CDH18: variants seen among roughly 807,000 people sequenced by gnomAD.
The protein encoded by CDH18 is cadherin 18.
In CDH18, 31 loss-of-function variants were observed where a neutral mutation model predicts 67.9. That is an observed-to-expected ratio of 0.46 (90% CI 0.34 to 0.62). CDH18 has a LOEUF of 0.62. Among genes scored for constraint, CDH18 ranks in the 20% least tolerant of loss-of-function variants. CDH18 has a pLI of 0.01. For synonymous variants in CDH18, 362 were observed against 347.2 expected (o/e 1.04, Z -0.48); for missense variants, 890 against 975.5 (o/e 0.91, Z 1.17).
intron 1 of CDH18, among the ~76,000 whole-genome samples, chr5:20,438,702 T>C (rs1401160174): frequency 6.6e-6 from 1 of 151,428 alleles, no homozygotes; most frequent in Non-Finnish European, 1.5e-5. Context: ...CTGATACTGA[T>C]GAAAGTAGAA....
chr5:19,701,670 T>A (rs1401373978), intron 5 of CDH18, among the ~76,000 whole-genome samples: 1 of 152,088 alleles, frequency 6.6e-6, no homozygotes, highest in Non-Finnish European at 1.5e-5. Context: ...GAGAAGATAG[T>A]ACCGCTTAGA....
intron 3 of CDH18, among the ~76,000 whole-genome samples, chr5:19,774,808 CAAAAAAAAAAAAAAAAAAAAAAAAAAA>C (rs59248561): frequency 2.0e-3 from 71 of 35,420 alleles, no homozygotes; most frequent in Non-Finnish European, 3.2e-3. Context: ...GACTCTGTCT[CAAAAAAAAAAAAAAAAAAAAAAAAAAA>C]AAAAAAAAAA....
chr5:19,683,373 C>G (rs1164601114), intron 5 of CDH18, among the ~76,000 whole-genome samples: 4 of 152,096 alleles, frequency 2.6e-5, no homozygotes, highest in Non-Finnish European at 5.9e-5. Flanking sequence ...CATATGGCCT[C>G]TTCTGCAGCT....
intron 1 of CDH18, among the ~76,000 whole-genome samples, chr5:20,546,813 G>T (rs1757372223): frequency 6.6e-6 from 1 of 151,788 alleles, no homozygotes; most frequent in Admixed American, 6.6e-5. Flanking sequence ...ATTTGCCACA[G>T]GCCTTTCAAC....
intron 2 of CDH18, among the ~76,000 whole-genome samples, chr5:20,007,928 A>C (rs956856115): frequency 2.0e-5 from 3 of 152,102 alleles, no homozygotes; most frequent in Admixed American, 6.6e-5. Flanking sequence ...CTACAACAGC[A>C]GAATTGAGTA....
intron 1 of CDH18, among the ~76,000 whole-genome samples, chr5:19,986,569 A>C (rs1016307771): frequency 2.0e-5 from 3 of 152,212 alleles, no homozygotes; most frequent in Admixed American, 2.0e-4. Flanking sequence ...AATACTCACC[A>C]AGGTGCACTA....
intron 1 of CDH18, among the ~76,000 whole-genome samples, chr5:20,442,123 G>A (rs1457594166): frequency 2.0e-5 from 3 of 151,828 alleles, no homozygotes; most frequent in Admixed American, 1.3e-4. Flanking sequence ...TGCATTACAA[G>A]AGTCCGTGGT....
At chr5:19,881,459 C>CT (rs1396878779) in intron 2 of CDH18, among the ~76,000 whole-genome samples, 2 of 149,158 alleles carry the variant, frequency 1.3e-5, no homozygotes, top group Admixed American at 1.3e-4. Context: ...TTACTCTAGT[C>CT]TAATGTTCAT....
At chr5:19,654,963 C>T (rs189800723) in intron 5 of CDH18, among the ~76,000 whole-genome samples, 16 of 152,220 alleles carry the variant, frequency 1.1e-4, no homozygotes, top group South Asian at 4.1e-4. Flanking sequence ...TTCAACCATG[C>T]GTCTGCTCAT....
intron 5 of CDH18, among the ~76,000 whole-genome samples, chr5:19,654,089 T>C (rs1405329565): frequency 1.3e-5 from 2 of 152,170 alleles, no homozygotes; most frequent in Non-Finnish European, 2.9e-5. Context: ...ATTATTTTGT[T>C]TAGTCCCCAG....
intron 2 of CDH18, among the ~76,000 whole-genome samples, chr5:20,177,546 A>G (rs1737332639): frequency 6.6e-6 from 1 of 152,074 alleles, no homozygotes; most frequent in African/African-American, 2.4e-5. Flanking sequence ...TAACTGGTCC[A>G]CAGGGAGTCT....
At chr5:20,026,265 A>G (rs1387962476) in intron 2 of CDH18, among the ~76,000 whole-genome samples, 1 of 152,186 alleles carries the variant, frequency 6.6e-6, no homozygotes, top group Non-Finnish European at 1.5e-5. Context: ...ATCTGTGGCC[A>G]AATCATAAAT....
chr5:20,478,117 T>G (rs1291837531), intron 1 of CDH18, among the ~76,000 whole-genome samples: 3 of 152,158 alleles, frequency 2.0e-5, no homozygotes, highest in Non-Finnish European at 2.9e-5. Flanking sequence ...CAGTTCTCAT[T>G]GCAGGACTTG....
intron 2 of CDH18, among the ~76,000 whole-genome samples, chr5:20,013,577 T>G (rs1005054260): frequency 4.6e-5 from 7 of 152,110 alleles, no homozygotes; most frequent in African/African-American, 1.7e-4. Context: ...ATTGACTGAC[T>G]AATGTTTTCA....
chr5:19,957,644 A>G (rs1033954827), intron 2 of CDH18, among the ~76,000 whole-genome samples: 3 of 151,996 alleles, frequency 2.0e-5, no homozygotes, highest in African/African-American at 7.3e-5. Context: ...CAAAACTCCA[A>G]TAATCTAGTA....
At chr5:20,495,636 T>C (rs1025359218) in intron 1 of CDH18, among the ~76,000 whole-genome samples, 1 of 152,030 alleles carries the variant, frequency 6.6e-6, no homozygotes, top group Non-Finnish European at 1.5e-5. Context: ...AGGAAAAACA[T>C]ACAACCAGGA....
chr5:20,566,207 A>G (rs1376838761), intron 1 of CDH18, among the ~76,000 whole-genome samples: 3 of 152,124 alleles, frequency 2.0e-5, no homozygotes, highest in African/African-American at 7.2e-5. Context: ...TCATCAAGTA[A>G]TAGAAGGCTA....
intron 1 of CDH18, among the ~76,000 whole-genome samples, chr5:20,379,310 A>G (rs7715154): frequency 0.15 from 23,391 of 152,154 alleles, 2,262 homozygotes; most frequent in East Asian, 0.28. Flanking sequence ...TACTTATTGC[A>G]TAATAGAAGA....
intron 2 of CDH18, among the ~76,000 whole-genome samples, chr5:19,841,528 T>C (rs1258466928): frequency 3.3e-5 from 5 of 151,544 alleles, no homozygotes; most frequent in Non-Finnish European, 5.9e-5. Context: ...TATATTAAAC[T>C]TTTTATTTCC....
Sources: gnomAD v4.1 joint callset for allele counts (sites outside exome capture counted in the v4.1 genomes callset) on GRCh38, gnomAD v4.1.1 for gene constraint, MANE v1.5 for transcripts, NCBI Gene and HGNC (gene_info 2026-07-23, HGNC 2026-07-21) for gene names.